DPYSL4: variants seen among roughly 807,000 people sequenced by gnomAD.
DPYSL4 encodes dihydropyrimidinase like 4.
A neutral mutation model predicts 63.4 loss-of-function variants in DPYSL4; 43 were observed. The observed-to-expected ratio is 0.68, with a 90% CI of 0.53 to 0.88. The LOEUF (loss-of-function observed/expected upper bound fraction) is 0.88, where lower values mean the gene tolerates loss of function less well. Among genes scored for constraint, DPYSL4 ranks in the 40% least tolerant of loss-of-function variants. DPYSL4 has a pLI of 0.00. For missense variants in DPYSL4, 733 were observed against 819.5 expected (o/e 0.89, Z 1.29); for synonymous variants, 353 against 331.7 (o/e 1.06, Z -0.70).
chr10:132,187,014 CCCGCCCG>C lies in DPYSL4; in HGVS notation c.-47_-41del. On this transcript the variant is annotated 5_prime_UTR_variant, in exon 1 of 14. Transcript: ENST00000338492. Reference sequence around the variant, plus strand: ...ACGCGTCCCCCCGCCCGCCCGCCCGCCCGCCCGCCCCCGCTTGTGCCGCCCCTACCAG... The same window carrying C: ...ACGCGTCCCCCCGCCCGCCCGCCCGCCCCCCGCTTGTGCCGCCCCTACCAG... 1 of 217,160 alleles carries C rather than the reference CCCGCCCG, an allele frequency of 4.6e-6. No individual in the cohort carries two copies. Among genetic ancestry groups the C allele is most frequent in the African/African-American group, 3.1e-5 (1 of 32,366 alleles). The allele number at this position is 217,160 out of a possible 1,614,324, so 13.5% of individuals were successfully genotyped here. A position where few individuals can be genotyped will look rare whatever the true frequency, so the allele number is the denominator to read the frequency against.
Position 132,200,483 on chromosome 10 carries a change from G to A in DPYSL4, c.939G>A (p.Thr313=), listed in dbSNP as rs773401772. 25 of 1,613,138 alleles carry A rather than the reference G, an allele frequency of 1.5e-5. No homozygotes were observed. The highest frequency in any genetic ancestry group is 1.6e-4 in the Middle Eastern group (1 of 6,082). ...TSPPVNPDPT[T]ADHLTCLLSS... ...CCCCTGTCAACCCAGACCCCACCAC[G>A]GCGGACCACCTCACCTGCTTGCTGT... is the stretch of plus-strand genomic sequence containing the variant. Residue 313 remains threonine (T), a synonymous_variant, in exon 9 of 14, where the codon ACG becomes ACA. Coordinates refer to ENST00000338492, the MANE Select transcript of DPYSL4 (RefSeq NM_006426.3).
chr10:132,197,169 G>T, intron 6 of DPYSL4, 68 bp downstream of exon 6: 3 of 1,366,040 alleles, frequency 2.2e-6, no homozygotes, highest in Non-Finnish European at 1.9e-6. Context: ...TGCCTGTGGG[G>T]TGGGGCAGGG....
chr10:132,190,203 C>T (rs1026119739), intron 1 of DPYSL4, among the ~76,000 whole-genome samples: 4 of 152,274 alleles, frequency 2.6e-5, no homozygotes, highest in Admixed American at 1.3e-4. Context: ...GGTCTCCCCT[C>T]AGTGGGAGGC....
chr10:132,203,333 G>A (rs958407863), intron 12 of DPYSL4, among the ~76,000 whole-genome samples: 22 of 152,226 alleles, frequency 1.4e-4, no homozygotes, highest in African/African-American at 4.8e-4. Context: ...ACGCTTGCCC[G>A]GCATCATCCG....
At chr10:132,199,020 T>C in intron 8 of DPYSL4, 49 bp downstream of exon 8, 1 of 1,591,196 alleles carries the variant, frequency 6.3e-7, no homozygotes, top group East Asian at 2.2e-5. Flanking sequence ...GGTCTCGGCC[T>C]CCTGGGTGCA....
At position 132,203,885 on chromosome 10, in the gene DPYSL4, C is replaced by T. The variant is rs777403619; in HGVS notation, c.1585C>T (p.Pro529Ser). 3 of 1,612,268 alleles carry T rather than the reference C, an allele frequency of 1.9e-6. No homozygotes were observed. The highest frequency in any genetic ancestry group is 2.5e-6 in the Non-Finnish European group (3 of 1,179,276). ...RASCPGKISVPPVRNLHQSGF... is the reference protein window; with the variant it reads ...RASCPGKISVSPVRNLHQSGF... ...GTCCTGCCCAGGCAAGATCTCCGTCCCTCCTGTGCGCAACCTACATCAGTC... is the reference window on the plus strand; with the variant it reads ...GTCCTGCCCAGGCAAGATCTCCGTCTCTCCTGTGCGCAACCTACATCAGTC... The change falls in exon 13 of 14, where the codon CCT (proline) becomes TCT (serine). Residue 529 changes from proline (P) to serine (S), a missense_variant. Transcript: ENST00000338492.
chr10:132,200,548 C>A (rs1362678523), intron 9 of DPYSL4, 36 bp downstream of exon 9: 2 of 1,608,254 alleles, frequency 1.2e-6, no homozygotes, highest in East Asian at 4.5e-5. Context: ...AGGTTGGCCG[C>A]CCGCTGCACA....
Position 132,198,926 on chromosome 10 carries a change from A to C in DPYSL4, c.766A>C (p.Met256Leu). 1 of 1,612,862 alleles carries C rather than the reference A, an allele frequency of 6.2e-7. No homozygotes were observed. The highest frequency in any genetic ancestry group is 8.5e-7 in the Non-Finnish European group (1 of 1,179,908). The change falls in exon 8 of 14, where the codon ATG becomes CTG. Residue 256 changes from methionine to leucine, a missense_variant. Coordinates refer to ENST00000338492, the MANE Select transcript of DPYSL4 (RefSeq NM_006426.3). ...CTGCCCGCTGTACGTCACCAAGGTG[A>C]TGAGCAAGGGGGCGGCCGACGCCAT... ...ANCPLYVTKVMSKGAADAIAQ... is the reference protein window; with the variant it reads ...ANCPLYVTKVLSKGAADAIAQ...
In DPYSL4 at chr10:132,192,811, G is replaced by A. The variant is rs141007095; in HGVS notation, c.282G>A (p.Lys94=). 398 of 1,612,582 alleles carry A rather than the reference G, an allele frequency of 2.5e-4. 1 individual carries two copies. In the African/African-American group the frequency reaches 4.2e-3, roughly 17 times the overall value. Residue 94 remains lysine (K), a synonymous_variant, in exon 3 of 14, where the codon AAG becomes AAA. Coordinates refer to ENST00000338492, the MANE Select transcript of DPYSL4 (RefSeq NM_006426.3). ...TPADDFCQGT[K]AALAGGTTMI... ...CTGACGACTTCTGTCAGGGCACCAAGGCAGCGCTAGCAGGAGGAACCACCA... is the reference window on the plus strand; with the variant it reads ...CTGACGACTTCTGTCAGGGCACCAAAGCAGCGCTAGCAGGAGGAACCACCA...
At chr10:132,200,328 G>A (rs751781297) in intron 8 of DPYSL4, 28 bp from the exon 9 acceptor site, 2 of 1,611,376 alleles carry the variant, frequency 1.2e-6, no homozygotes, top group Non-Finnish European at 1.7e-6. Context: ...TGGTCGGTGG[G>A]GCACCTCTCA....
intron 5 of DPYSL4, 47 bp from the exon 6 acceptor site, chr10:132,196,974 T>TGGTGCA (rs1479379439): frequency 1.2e-6 from 2 of 1,613,216 alleles, no homozygotes; most frequent in Non-Finnish European, 1.7e-6. Flanking sequence ...AGGCCGCTGC[T>TGGTGCA]GGTGCAGGCG....
Position 132,190,753 on chromosome 10 carries a change from C to A in DPYSL4, c.46C>A (p.Arg16Ser), listed in dbSNP as rs146177929. 1.2e-6 allele frequency: 2 copies of A among 1,613,024 alleles called. No individual in the cohort carries two copies. The highest frequency in any genetic ancestry group is 4.5e-5 in the East Asian group (2 of 44,856). Residue 16 changes from arginine to serine, a missense_variant, in exon 2 of 14, where the codon CGC becomes AGC. Physicochemically the swap from Arg to Ser is moderately radical, Grantham distance 110. Coordinates refer to ENST00000338492, the MANE Select transcript of DPYSL4 (RefSeq NM_006426.3). ...CCTTTGTTGTTCCCGATAGAGTGAC[C>A]GCCTTCTGATCAGAGGTGGGAGGAT... Reference protein sequence around the residue: ...KKSIPRITSDRLLIRGGRIVN... With the variant: ...KKSIPRITSDSLLIRGGRIVN...
chr10:132,188,177 C>G (rs1259107666), intron 1 of DPYSL4, among the ~76,000 whole-genome samples: 1 of 152,140 alleles, frequency 6.6e-6, no homozygotes, highest in Non-Finnish European at 1.5e-5. Context: ...GACCCCTTCC[C>G]AGGGGAGGTC....
At chr10:132,191,710 T>C (rs111487077) in intron 2 of DPYSL4, among the ~76,000 whole-genome samples, 15 of 71,866 alleles carry the variant, frequency 2.1e-4, no homozygotes, top group African/African-American at 4.5e-4. Flanking sequence ...TACACGCTGG[T>C]CACGTGGTAT....
intron 11 of DPYSL4, 42 bp from the exon 12 acceptor site, chr10:132,202,604 C>G: frequency 6.2e-7 from 1 of 1,604,392 alleles, no homozygotes; most frequent in Non-Finnish European, 8.5e-7. Flanking sequence ...GACTGTTGGG[C>G]CCCAGCGTGG....
In DPYSL4 at chr10:132,187,000, C is replaced by CCCGGGGGGGGGGGGGG; in HGVS notation, c.-64_-63insCCGGGGGGGGGGGGGG. 1 of 11,128 alleles carries CCCGGGGGGGGGGGGGG rather than the reference C, an allele frequency of 9.0e-5. No homozygotes were observed. The allele number at this position is 11,128 out of a possible 1,614,324, so 0.7% of individuals were successfully genotyped here. On this transcript the variant is annotated 5_prime_UTR_variant, in exon 1 of 14. Transcript: ENST00000338492. ...ACGCGTCCCGGCTCACGCGTCCCCC[C>CCCGGGGGGGGGGGGGG]GCCCGCCCGCCCGCCCGCCCGCCCC...
intron 1 of DPYSL4, 132 bp from the exon 2 acceptor site, chr10:132,190,614 CT>C: frequency 1.3e-6 from 1 of 786,804 alleles, no homozygotes; most frequent in Non-Finnish European, 2.0e-6. Context: ...CCGCTGCAGG[CT>C]TTTGTGCTCG....
rs1382634979 is a variant in DPYSL4 at position 132,187,078 on chromosome 10, C to A, written c.15C>A (p.Gly5=). ...CCAGGAGCAGGATGTCCTTCCAGGG[C>A]AAGAAAAGCATCCCCCGGATCACGG... The part of the protein sequence containing the change: MSFQ[G]KKSIPRITSD... Residue 5 remains glycine (G), a synonymous_variant, in exon 1 of 14, where the codon GGC becomes GGA. Coordinates refer to ENST00000338492, the MANE Select transcript of DPYSL4 (RefSeq NM_006426.3). The A allele has an allele frequency of 1.4e-5, 20 of 1,427,072 alleles. No homozygotes were observed. The highest frequency in any genetic ancestry group is 1.6e-5 in the Non-Finnish European group (17 of 1,064,554). The allele number at this position is 1,427,072 out of a possible 1,614,324, so 88.4% of individuals were successfully genotyped here.
At chr10:132,198,323 T>G in intron 6 of DPYSL4, 92 bp from the exon 7 acceptor site, 3 of 1,315,728 alleles carry the variant, frequency 2.3e-6, no homozygotes, top group Non-Finnish European at 3.2e-6. Context: ...CCAGGACCAC[T>G]TGGGGAATGG....
Sources: allele counts gnomAD v4.1 joint callset (sites outside exome capture counted in the v4.1 genomes callset), GRCh38; gene constraint gnomAD v4.1.1; transcripts MANE v1.5; gene names NCBI Gene and HGNC (gene_info 2026-07-23, HGNC 2026-07-21).